The following WDR27 variants were observed in gnomAD, a reference collection of about 807,000 sequenced individuals.
WDR27 encodes the protein WD repeat domain 27, also known as WD repeat-containing protein 27.
Under a neutral mutation model 114.4 loss-of-function variants are expected in WDR27, and 100 were observed. That is an observed-to-expected ratio of 0.87 (90% confidence interval 0.74 to 1.03). WDR27 has a LOEUF of 1.03. WDR27 is among the 50% of genes least tolerant of loss of function. The probability of loss-of-function intolerance (pLI) is 0.00; values close to 1 mark genes in which losing one functional copy is unlikely to be tolerated. For synonymous variants in WDR27, 449 were observed against 423.1 expected, an observed-to-expected ratio of 1.06 and a Z score of -0.75; for missense variants, 1,129 against 1,092.9, an observed-to-expected ratio of 1.03 and a Z score of -0.47.
intron 3 of WDR27, 21 bp from the exon 4 acceptor site, chr6:169,670,714 A>G: frequency 6.2e-7 from 1 of 1,613,158 alleles, no homozygotes. Context: ...TTTCACCATT[A>G]GTGCCAGTTT....
At chr6:169,450,312 G>A in the WDR27 span, among the ~76,000 whole-genome samples, 22 of 152,218 alleles carry the variant, frequency 1.4e-4, no homozygotes, top group Admixed American at 2.6e-4. Flanking sequence ...CAGACTCGCG[G>A]GAATGCCAGC....
chr6:169,445,957 G>A, the WDR27 span, among the ~76,000 whole-genome samples: 1 of 152,262 alleles, frequency 6.6e-6, no homozygotes, highest in Non-Finnish European at 1.5e-5. Flanking sequence ...AGAGCTGGCT[G>A]CCCCAGCCTG....
At chr6:169,686,538 AC>A (rs1783001901) in intron 2 of WDR27, among the ~76,000 whole-genome samples, 1 of 152,164 alleles carries the variant, frequency 6.6e-6, no homozygotes, top group African/African-American at 2.4e-5. Flanking sequence ...CAATAAAGAC[AC>A]ACATAGTCTT....
chr6:169,560,097 G>A (rs573518171), intron 25 of WDR27, among the ~76,000 whole-genome samples: 2 of 152,184 alleles, frequency 1.3e-5, no homozygotes, highest in African/African-American at 4.8e-5. Context: ...CACTTGAATC[G>A]TATCTCCCAG....
chr6:169,462,199 C>G (rs1460591378), intron 25 of WDR27, among the ~76,000 whole-genome samples: 1 of 151,824 alleles, frequency 6.6e-6, no homozygotes, highest in African/African-American at 2.4e-5. Context: ...CCTGTAATCT[C>G]AGCACTTTGG....
intron 13 of WDR27, among the ~76,000 whole-genome samples, chr6:169,653,440 G>A (rs1174638177): frequency 6.6e-6 from 1 of 152,064 alleles, no homozygotes; most frequent in Non-Finnish European, 1.5e-5. Flanking sequence ...ATCTTATAAT[G>A]AAAAAAGTAA....
chr6:169,454,813 C>T (rs940419622), downstream of WDR27, among the ~76,000 whole-genome samples: 8 of 152,214 alleles, frequency 5.3e-5, no homozygotes, highest in African/African-American at 1.9e-4. Flanking sequence ...TAGACAGAGC[C>T]GGGGCTCATC....
chr6:169,685,990 A>G (rs1404285410), intron 2 of WDR27, among the ~76,000 whole-genome samples: 1 of 152,238 alleles, frequency 6.6e-6, no homozygotes, highest in Non-Finnish European at 1.5e-5. Context: ...CTATTTGACT[A>G]ACAGCATATT....
In WDR27 at chr6:169,684,172, GA is replaced by G. The variant is rs1782308209; in HGVS notation, c.189+4644del. On this transcript the variant is annotated intron_variant, in intron 2 of 25. Transcript: ENST00000448612. This position sits in a 1 kb window ranked among gnomAD's most constrained non-coding sequence, Gnocchi z 4.3. ...CCTCGCCACTGCACTTCCAGCCAGA[GA>G]AACAACCCAGCACTCCTGCCAAGGA... Among the ~76,000 whole-genome samples the G allele has an allele frequency of 6.6e-6, 1 of 152,086 alleles. No individual in the cohort carries two copies. Among genetic ancestry groups the G allele is most frequent in the Non-Finnish European group, 1.5e-5 (1 of 68,018 alleles).
intron 25 of WDR27, among the ~76,000 whole-genome samples, chr6:169,523,892 T>C (rs1208268386): frequency 2.6e-5 from 4 of 152,134 alleles, no homozygotes; most frequent in Non-Finnish European, 5.9e-5. Flanking sequence ...AAAACAAGAA[T>C]CTCTACTTTT....
intron 19 of WDR27, 105 bp downstream of exon 19, chr6:169,636,266 A>G (rs1350445660): frequency 7.4e-7 from 1 of 1,360,210 alleles, no homozygotes; most frequent in East Asian, 2.4e-5. Context: ...TGAGGTCATT[A>G]TTAAATTTGG....
chr6:169,659,207 C>A lies in WDR27; in HGVS notation c.1198G>T (p.Val400Leu). 1.3e-6 allele frequency: 2 copies of A among 1,593,408 alleles called. No homozygotes were observed. The highest frequency in any genetic ancestry group is 1.8e-5 in the Admixed American group (1 of 54,944). ...AAGAGGGAGGCCAGCAAGCACAGCA[C>A]CTGCAGGGACGCGGTTTCAACATCG... is the stretch of plus-strand genomic sequence containing the variant. Reference protein sequence around the residue: ...ALRNRTADQKVLCLLASLFGG... With the variant: ...ALRNRTADQKLLCLLASLFGG... The change falls in exon 12 of 26, where the codon GTG (valine) becomes TTG (leucine). Residue 400 changes from valine to leucine, a missense_variant and splice_region_variant. Physicochemically the swap from Val to Leu is conservative, Grantham distance 32. Coordinates refer to ENST00000448612, the MANE Select transcript of WDR27 (RefSeq NM_182552.5). This position sits in a 1 kb window ranked among gnomAD's most constrained non-coding sequence, Gnocchi z 4.3.
chr6:169,586,652 C>A (rs1278191467), intron 23 of WDR27, among the ~76,000 whole-genome samples: 3 of 151,884 alleles, frequency 2.0e-5, no homozygotes, highest in Non-Finnish European at 4.4e-5. Context: ...AGATCGAGGC[C>A]ATCCTTGCCA....
At position 169,662,794 on chromosome 6, in the gene WDR27, G is replaced by A. The variant is rs1439054365; in HGVS notation, c.905-370C>T. On this transcript the variant is annotated intron_variant, in intron 8 of 25. Coordinates refer to ENST00000448612, the MANE Select transcript of WDR27 (RefSeq NM_182552.5). Reference sequence around the variant, plus strand: ...ACACCCAGCATGACGCGCGTGCACCGCGGAGCATTCGGATCACGTGTCGAG... The same window carrying A: ...ACACCCAGCATGACGCGCGTGCACCACGGAGCATTCGGATCACGTGTCGAG... 2.8e-5 allele frequency among the ~76,000 whole-genome samples: 3 copies of A among 107,028 alleles called. 1 individual carries two copies. Among genetic ancestry groups the A allele is most frequent in the Non-Finnish European group, 3.5e-5 (2 of 56,784 alleles). 70.2% of individuals were successfully genotyped at this position (107,028 alleles called of 152,430 possible).
intron 25 of WDR27, among the ~76,000 whole-genome samples, chr6:169,491,314 C>T (rs368573331): frequency 1.3e-5 from 2 of 151,798 alleles, no homozygotes; most frequent in African/African-American, 2.4e-5. Flanking sequence ...AGGTTATTGC[C>T]GGGAGTAGGG....
chr6:169,494,515 G>A (rs1340502183), intron 25 of WDR27, among the ~76,000 whole-genome samples: 1 of 152,100 alleles, frequency 6.6e-6, no homozygotes, highest in African/African-American at 2.4e-5. Flanking sequence ...TAAAATGGCT[G>A]TGACATTACT....
chr6:169,696,641 A>G (rs1786101578), intron 1 of WDR27, among the ~76,000 whole-genome samples: 1 of 152,232 alleles, frequency 6.6e-6, no homozygotes, highest in Non-Finnish European at 1.5e-5. Flanking sequence ...GACGCCGGGC[A>G]CAGTGGCTCA....
At chr6:169,620,598 T>C (rs976542377) in intron 21 of WDR27, among the ~76,000 whole-genome samples, 1 of 152,210 alleles carries the variant, frequency 6.6e-6, no homozygotes, top group African/African-American at 2.4e-5. Flanking sequence ...AATCCCACTT[T>C]ACCTGACTGA....
At chr6:169,560,252 TTC>T (rs1373758664) in intron 25 of WDR27, among the ~76,000 whole-genome samples, 1 of 152,134 alleles carries the variant, frequency 6.6e-6, no homozygotes, top group African/African-American at 2.4e-5. Flanking sequence ...TTCTCTCTCA[TTC>T]TCTCTTCCCT....
Sources: allele counts gnomAD v4.1 joint callset (sites outside exome capture counted in the v4.1 genomes callset), GRCh38; gene constraint gnomAD v4.1.1; non-coding constraint Gnocchi (gnomAD v3.1); transcripts MANE v1.5; gene names NCBI Gene and HGNC (gene_info 2026-07-23, HGNC 2026-07-21).